Variants in CCDC186 observed in about 807,000 individuals in gnomAD.
CCDC186 encodes coiled-coil domain containing 186.
In CCDC186, 49 loss-of-function variants were observed where a neutral mutation model predicts 113.7. The ratio of observed to expected loss-of-function variants is 0.43; its 90% CI spans 0.34 to 0.55. CCDC186 has a LOEUF of 0.55. Among genes scored for constraint, CCDC186 ranks in the 20% least tolerant of loss-of-function variants. The pLI is 0.02. For missense variants in CCDC186, 890 were observed against 1,011.1 expected, an observed-to-expected ratio of 0.88 and a Z score of 1.62; for synonymous variants, 355 against 345.8, an observed-to-expected ratio of 1.03 and a Z score of -0.30.
intron 1 of CCDC186, among the ~76,000 whole-genome samples, chr10:114,164,023 C>T (rs2032252571): frequency 6.9e-6 from 1 of 144,878 alleles, no homozygotes. Flanking sequence ...ATATGCACTG[C>T]CTAGGTCAAT....
At chr10:114,159,372 T>TC (rs1462311935) in intron 2 of CCDC186, among the ~76,000 whole-genome samples, 1 of 152,156 alleles carries the variant, frequency 6.6e-6, no homozygotes, top group Non-Finnish European at 1.5e-5. Flanking sequence ...AGACAACTGT[T>TC]CTTAATTAAG....
Position 114,131,274 on chromosome 10 carries a change from T to C in CCDC186, c.1974A>G (p.Glu658=). The change falls in exon 12 of 16, where the codon GAA becomes GAG. Residue 658 remains glutamate, a synonymous_variant. Coordinates refer to ENST00000369287, the MANE Select transcript of CCDC186 (RefSeq NM_018017.4). ...TAACTTCTGTTTGTCTACAAGCGAG[T>C]TCAGCTTGCAGAGTTTGGACTTCCT... ...RKEEVQTLQA[E]LACRQTEVKA... is the part of the protein sequence containing the mutation. The C allele has an allele frequency of 6.2e-7, 1 of 1,603,468 alleles. No homozygotes were observed. Among genetic ancestry groups the C allele is most frequent in the South Asian group, 1.1e-5 (1 of 89,084 alleles).
intron 13 of CCDC186, among the ~76,000 whole-genome samples, chr10:114,128,706 C>T (rs1256087261): frequency 1.3e-5 from 2 of 152,162 alleles, no homozygotes; most frequent in African/African-American, 4.8e-5. Flanking sequence ...AAGACACAAA[C>T]ACTGATATTT....
At chr10:114,146,332 A>T (rs982717510) in intron 4 of CCDC186, among the ~76,000 whole-genome samples, 1 of 152,162 alleles carries the variant, frequency 6.6e-6, no homozygotes, top group African/African-American at 2.4e-5. Flanking sequence ...GGATCCCTAC[A>T]TCTTGTCCAC....
chr10:114,147,790 G>C (rs1295550994), intron 4 of CCDC186, among the ~76,000 whole-genome samples: 1 of 152,056 alleles, frequency 6.6e-6, no homozygotes, highest in Non-Finnish European at 1.5e-5. Context: ...ATAGGGGGTA[G>C]AAAATAATCA....
At chr10:114,169,919 A>T (rs954425653) in intron 1 of CCDC186, among the ~76,000 whole-genome samples, 1 of 152,168 alleles carries the variant, frequency 6.6e-6, no homozygotes, top group Non-Finnish European at 1.5e-5. Flanking sequence ...ATGTGTAGAA[A>T]CAGGGTCTCA....
At chr10:114,160,138 T>C (rs1443327245) in intron 2 of CCDC186, among the ~76,000 whole-genome samples, 1 of 151,840 alleles carries the variant, frequency 6.6e-6, no homozygotes, top group Non-Finnish European at 1.5e-5. Flanking sequence ...GGTGTAGTGG[T>C]AGGCACCTGT....
Position 114,127,476 on chromosome 10 carries a change from A to G in CCDC186, c.2378T>C (p.Ile793Thr). The change falls in exon 14 of 16, where the codon ATT (isoleucine) becomes ACT (threonine). Residue 793 changes from isoleucine (I) to threonine (T), a missense_variant. By Grantham distance (89) the Ile-to-Thr change is moderately conservative. Transcript: ENST00000369287. ...TAATACATACTTTGTTTTTTTCCTA[A>G]TTTCTTCCACCAGTTGTTTGATGTG... ...EDHIKQLVEE[I>T]RKKTKIIQSY... 6.2e-7 allele frequency: 1 copy of G among 1,613,250 alleles called. No individual in the cohort carries two copies. The highest frequency in any genetic ancestry group is 8.5e-7 in the Non-Finnish European group (1 of 1,179,726).
chr10:114,136,943 C>T (rs1221986031), intron 7 of CCDC186, among the ~76,000 whole-genome samples: 1 of 151,996 alleles, frequency 6.6e-6, no homozygotes, highest in East Asian at 1.9e-4. Context: ...ATAGTGAAAC[C>T]CCCTCTCTAC....
chr10:114,169,083 A>G (rs1362458111), intron 1 of CCDC186, among the ~76,000 whole-genome samples: 1 of 152,204 alleles, frequency 6.6e-6, no homozygotes, highest in East Asian at 1.9e-4. Context: ...TGAATTCTAC[A>G]GTATTTAATG....
intron 6 of CCDC186, among the ~76,000 whole-genome samples, chr10:114,139,704 C>T (rs2031405833): frequency 6.6e-6 from 1 of 151,222 alleles, no homozygotes; most frequent in Non-Finnish European, 1.5e-5. Flanking sequence ...TGTATTAAAA[C>T]TTAGTACCAC....
chr10:114,137,479 TAC>T (rs2031302023), intron 6 of CCDC186, among the ~76,000 whole-genome samples, 189 bp from the exon 7 acceptor site: 4 of 152,252 alleles, frequency 2.6e-5, no homozygotes, highest in East Asian at 1.9e-4. Context: ...AGCCATTAAA[TAC>T]AGTTAAATTT....
chr10:114,163,610 C>G (rs1045946108), intron 1 of CCDC186, among the ~76,000 whole-genome samples: 1 of 152,134 alleles, frequency 6.6e-6, no homozygotes, highest in East Asian at 1.9e-4. Flanking sequence ...CTCCAATCAT[C>G]CCCATAAGAT....
rs199900361 is a variant in CCDC186 at position 114,162,979 on chromosome 10, G to C, written c.290C>G (p.Pro97Arg). 1 of 1,613,780 alleles carries C rather than the reference G, an allele frequency of 6.2e-7. No individual in the cohort carries two copies. The highest frequency in any genetic ancestry group is 2.2e-5 in the East Asian group (1 of 44,876). Residue 97 changes from proline to arginine, a missense_variant, in exon 2 of 16, where the codon CCT becomes CGT. Physicochemically the swap from Pro to Arg is moderately radical, Grantham distance 103 (BLOSUM62 -2). Coordinates refer to ENST00000369287, the MANE Select transcript of CCDC186 (RefSeq NM_018017.4). ...AATATGTTTAGCAAAATTTCCACTA[G>C]GAAAATTAGCTATTTGTTCAGAATT... is the stretch of plus-strand genomic sequence containing the variant. Reference protein sequence around the residue: ...SENSEQIANFPSGNFAKHISK... With the variant: ...SENSEQIANFRSGNFAKHISK...
At chr10:114,126,448 A>G (rs1429274516) in intron 14 of CCDC186, among the ~76,000 whole-genome samples, 2 of 152,154 alleles carry the variant, frequency 1.3e-5, no homozygotes, top group African/African-American at 4.8e-5. Context: ...CCTCCACTGC[A>G]TCGGCTCAAG....
At chr10:114,136,272 G>T in intron 7 of CCDC186, 26 bp from the exon 8 acceptor site, 1 of 1,560,924 alleles carries the variant, frequency 6.4e-7, no homozygotes, top group Non-Finnish European at 8.8e-7. Flanking sequence ...CAAAAAAAGT[G>T]TGACAATTTT....
At chr10:114,167,690 C>T (rs547846577) in intron 1 of CCDC186, among the ~76,000 whole-genome samples, 1 of 149,420 alleles carries the variant, frequency 6.7e-6, no homozygotes, top group Non-Finnish European at 1.5e-5. Context: ...TGCTGATACA[C>T]TGGGGGTGCA....
At position 114,125,955 on chromosome 10, in the gene CCDC186, G is replaced by A. The variant is rs202054208; in HGVS notation, c.2544C>T (p.Leu848=). 1 of 1,614,010 alleles carries A rather than the reference G, an allele frequency of 6.2e-7. No individual in the cohort carries two copies. The change falls in exon 15 of 16, where the codon CTC becomes CTT. Residue 848 remains leucine (L), a synonymous_variant. Transcript: ENST00000369287. ...HPADNGLTLE[L]SLEINRKLQA... ...GTAATTTTCGGTTGATTTCCAAAGAGAGCTCCAATGTTAATCCATTGTCAG... is the reference window on the plus strand; with the variant it reads ...GTAATTTTCGGTTGATTTCCAAAGAAAGCTCCAATGTTAATCCATTGTCAG...
chr10:114,131,754 T>G (rs1234950252), intron 11 of CCDC186, among the ~76,000 whole-genome samples, 175 bp downstream of exon 11: 5 of 152,194 alleles, frequency 3.3e-5, no homozygotes, highest in African/African-American at 1.2e-4. Context: ...GGAAGAAATT[T>G]TATTATAAAT....
Sources: allele counts gnomAD v4.1 joint callset (sites outside exome capture counted in the v4.1 genomes callset), GRCh38; gene constraint gnomAD v4.1.1; transcripts MANE v1.5; gene names NCBI Gene and HGNC (gene_info 2026-07-23, HGNC 2026-07-21).